The following KIAA0825 variants were observed in gnomAD, a reference collection of about 807,000 sequenced individuals.
KIAA0825 encodes the protein uncharacterized protein KIAA0825.
In KIAA0825, 119 loss-of-function variants were observed where a neutral mutation model predicts 147.6. That is an observed-to-expected ratio of 0.81 (90% CI 0.69 to 0.94). KIAA0825 has a LOEUF of 0.94. Among genes scored for constraint, KIAA0825 ranks in the 40% least tolerant of loss-of-function variants. KIAA0825 has a pLI of 0.00. For synonymous variants in KIAA0825, 470 were observed against 518.1 expected (o/e 0.91, Z 1.26); for missense variants, 1,381 against 1,472.7 (o/e 0.94, Z 1.02).
chr5:94,536,058 A>G (rs542286094), intron 3 of KIAA0825, among the ~76,000 whole-genome samples: 1 of 152,340 alleles, frequency 6.6e-6, no homozygotes, highest in South Asian at 2.1e-4. Flanking sequence ...TTCAATAATA[A>G]AAGTGTTTCT....
At chr5:94,508,330 C>G (rs1766016628) in intron 5 of KIAA0825, among the ~76,000 whole-genome samples, 1 of 152,054 alleles carries the variant, frequency 6.6e-6, no homozygotes, top group African/African-American at 2.4e-5. Context: ...AAAAAATCAT[C>G]TTCATTACTG....
At chr5:94,386,702 T>C (rs1023093606) in intron 18 of KIAA0825, among the ~76,000 whole-genome samples, 1 of 152,180 alleles carries the variant, frequency 6.6e-6, no homozygotes, top group Non-Finnish European at 1.5e-5. Context: ...GGCATTGTCT[T>C]GTCACTGGTT....
At chr5:94,519,197 A>C (rs1767717037) in intron 5 of KIAA0825, 1 of 866,758 alleles carries the variant, frequency 1.2e-6, no homozygotes, top group Non-Finnish European at 1.4e-6. Context: ...CAATTTGAAA[A>C]TTCATATATC....
intron 20 of KIAA0825, among the ~76,000 whole-genome samples, chr5:94,225,796 A>G (rs920541858): frequency 2.6e-5 from 4 of 152,228 alleles, no homozygotes; most frequent in African/African-American, 9.6e-5. Context: ...CAGTGGGAAT[A>G]CAGCTCAACA....
chr5:94,284,733 C>CT (rs1777594905), intron 20 of KIAA0825, among the ~76,000 whole-genome samples: 2 of 152,188 alleles, frequency 1.3e-5, no homozygotes, highest in South Asian at 4.1e-4. Context: ...GCAATGCAGT[C>CT]TGCCAATAAT....
chr5:94,295,255 GT>G (rs1339653833), intron 20 of KIAA0825, among the ~76,000 whole-genome samples: 4 of 151,804 alleles, frequency 2.6e-5, no homozygotes, highest in Non-Finnish European at 5.9e-5. Flanking sequence ...CTCGTGCTGT[GT>G]TTTTCAACTC....
chr5:94,458,826 T>C (rs1759462054), intron 12 of KIAA0825, among the ~76,000 whole-genome samples: 1 of 152,128 alleles, frequency 6.6e-6, no homozygotes, highest in East Asian at 1.9e-4. Flanking sequence ...TTTATTGAGA[T>C]GTATAATTCA....
intron 1 of KIAA0825, among the ~76,000 whole-genome samples, chr5:94,597,739 A>G (rs1785566526): frequency 6.6e-6 from 1 of 152,182 alleles, no homozygotes; most frequent in African/African-American, 2.4e-5. Flanking sequence ...TCAATGGTAT[A>G]GCCTACTATA....
intron 20 of KIAA0825, among the ~76,000 whole-genome samples, chr5:94,275,275 T>C (rs1006152943): frequency 1.3e-5 from 2 of 152,118 alleles, no homozygotes; most frequent in African/African-American, 4.8e-5. Context: ...AGAGTTCATT[T>C]TCCACTGCAG....
At chr5:94,283,163 T>A (rs1777533109) in intron 20 of KIAA0825, among the ~76,000 whole-genome samples, 1 of 152,098 alleles carries the variant, frequency 6.6e-6, no homozygotes, top group Admixed American at 6.6e-5. Flanking sequence ...CATTAAAAAA[T>A]CTTTTATTAC....
At chr5:94,379,806 A>C (rs922520786) in intron 20 of KIAA0825, among the ~76,000 whole-genome samples, 1 of 139,568 alleles carries the variant, frequency 7.2e-6, no homozygotes, top group East Asian at 2.1e-4. Flanking sequence ...GAGATGTTTC[A>C]CACCTCCCTG....
chr5:94,444,250 A>T (rs891456908), intron 13 of KIAA0825, among the ~76,000 whole-genome samples: 1 of 152,094 alleles, frequency 6.6e-6, no homozygotes, highest in Non-Finnish European at 1.5e-5. Context: ...CAGGGGGACC[A>T]TTTAGGATCC....
At chr5:94,264,972 G>T (rs1285614355) in intron 20 of KIAA0825, among the ~76,000 whole-genome samples, 1 of 151,734 alleles carries the variant, frequency 6.6e-6, no homozygotes, top group Non-Finnish European at 1.5e-5. Context: ...TAGTAGAGAT[G>T]GGGTTTTTCC....
At chr5:94,591,285 A>G (rs992229435) in intron 1 of KIAA0825, among the ~76,000 whole-genome samples, 1 of 152,224 alleles carries the variant, frequency 6.6e-6, no homozygotes, top group Non-Finnish European at 1.5e-5. Context: ...AAGTGAAGCT[A>G]AAAAACACAA....
chr5:94,166,611 C>G (rs1343254072), intron 20 of KIAA0825, among the ~76,000 whole-genome samples: 1 of 150,878 alleles, frequency 6.6e-6, no homozygotes, highest in Non-Finnish European at 1.5e-5. Context: ...GGGTTCACGC[C>G]ATTCTCCTGC....
intron 20 of KIAA0825, among the ~76,000 whole-genome samples, chr5:94,156,971 C>G (rs1767086468): frequency 2.0e-5 from 3 of 150,976 alleles, no homozygotes; most frequent in South Asian, 4.2e-4. Flanking sequence ...AATGCAAAAA[C>G]AACAAGTCAA....
chr5:94,434,044 A>T (rs1756031610), intron 14 of KIAA0825, among the ~76,000 whole-genome samples: 1 of 152,186 alleles, frequency 6.6e-6, no homozygotes, highest in Admixed American at 6.5e-5. Flanking sequence ...CAATAATTCA[A>T]AATAGTGTCT....
At chr5:94,345,224 A>AAATGGTTAAATGT (rs1222223491) in intron 20 of KIAA0825, among the ~76,000 whole-genome samples, 1 of 152,192 alleles carries the variant, frequency 6.6e-6, no homozygotes, top group Non-Finnish European at 1.5e-5. Flanking sequence ...GGCATAGGTT[A>AAATGGTTAAATGT]TCAGTGGTGT....
intron 18 of KIAA0825, among the ~76,000 whole-genome samples, chr5:94,387,090 T>C (rs1244444440): frequency 6.6e-6 from 1 of 152,192 alleles, no homozygotes. Context: ...TTCTGGAAGA[T>C]GACAAATTAA....
Sources: gnomAD v4.1 joint callset for allele counts (sites outside exome capture counted in the v4.1 genomes callset) on GRCh38, gnomAD v4.1.1 for gene constraint, MANE v1.5 for transcripts, NCBI Gene and HGNC (gene_info 2026-07-23, HGNC 2026-07-21) for gene names.